The following PCDHA6 variants were observed in gnomAD, a reference collection of about 807,000 sequenced individuals.
The protein encoded by PCDHA6 is protocadherin alpha-6.
PCDHA6 carries 55 observed loss-of-function variants against 60.3 expected under a neutral mutation model. The ratio of observed to expected loss-of-function variants is 0.91; its 90% CI spans 0.73 to 1.14. PCDHA6 has a LOEUF of 1.14. Among genes scored for constraint, PCDHA6 ranks in the 50% most tolerant of loss-of-function variants. The pLI is 0.00. For synonymous variants in PCDHA6, 652 were observed against 557.9 expected (o/e 1.17, Z -2.38); for missense variants, 1,327 against 1,256.5 (o/e 1.06, Z -0.85).
intron 1 of PCDHA6, chr5:140,869,246 T>C (rs782232383): frequency 1.2e-6 from 2 of 1,613,640 alleles, no homozygotes. Flanking sequence ...GTGGGCCGCA[T>C]CGCGCAGGAC....
chr5:140,997,071 A>G lies in PCDHA6; in HGVS notation c.2543-12556A>G, dbSNP rs554920320. Among the ~76,000 whole-genome samples, 444 of 152,266 alleles carry G rather than the reference A, an allele frequency of 2.9e-3. 5 individuals carry two copies. Among genetic ancestry groups the G allele is most frequent in the Non-Finnish European group, 4.4e-3 (297 of 68,014 alleles). Reference sequence around the variant, plus strand: ...TTTAGAGCAGTTTTAGGTTCACAGGAAAGTTGAGTAGAAAGTGCAGAGTTC... The same window carrying G: ...TTTAGAGCAGTTTTAGGTTCACAGGGAAGTTGAGTAGAAAGTGCAGAGTTC... On this transcript the variant is annotated intron_variant, in intron 3 of 3. Coordinates refer to ENST00000529310, the MANE Select transcript of PCDHA6 (RefSeq NM_018909.4).
intron 1 of PCDHA6, among the ~76,000 whole-genome samples, chr5:140,932,585 T>C (rs1275216145): frequency 6.6e-6 from 1 of 151,944 alleles, no homozygotes; most frequent in Non-Finnish European, 1.5e-5. Flanking sequence ...GGTAATTAGA[T>C]GTTTTGTATA....
At chr5:140,870,491 T>C (rs781889223) in intron 1 of PCDHA6, 10 of 1,614,076 alleles carry the variant, frequency 6.2e-6, no homozygotes, top group Non-Finnish European at 8.5e-6. Context: ...ACCGTGTTCG[T>C]GAAGGAGAAC....
At chr5:140,929,036 C>T in intron 1 of PCDHA6, 1 of 1,614,178 alleles carries the variant, frequency 6.2e-7, no homozygotes, top group Non-Finnish European at 8.5e-7. Flanking sequence ...GGCTGTTGCG[C>T]TCAGAGCTGC....
chr5:140,884,327 G>A (rs1400364790), intron 1 of PCDHA6: 1 of 1,613,894 alleles, frequency 6.2e-7, no homozygotes, highest in Non-Finnish European at 8.5e-7. Context: ...GGCAGGCGCT[G>A]TGGGTCCAGA....
At chr5:140,984,052 A>G (rs2097083396) in intron 3 of PCDHA6, among the ~76,000 whole-genome samples, 2 of 152,204 alleles carry the variant, frequency 1.3e-5, no homozygotes, top group African/African-American at 4.8e-5. Context: ...TCATTGACAA[A>G]TCTGTACCCT....
intron 1 of PCDHA6, chr5:140,867,518 A>T (rs2050002627): frequency 6.6e-6 from 1 of 152,128 alleles, no homozygotes; most frequent in Non-Finnish European, 1.5e-5. Context: ...TCAAATTAAT[A>T]GTTGAATATA....
rs2150351711 is a variant in PCDHA6 at position 140,843,069 on chromosome 5, G to C, written c.2394+12584G>C. On this transcript the variant is annotated intron_variant, in intron 1 of 3. Coordinates refer to ENST00000529310, the MANE Select transcript of PCDHA6 (RefSeq NM_018909.4). ...GGCGCAGCGAGCAAGCTGGTGCCGC[G>C]GTCTGTGGGCGCGGGCCACGTGGTA... The C allele has an allele frequency of 1.6e-5, 26 of 1,595,200 alleles. 3 individuals carry two copies. Among genetic ancestry groups the C allele is most frequent in the Non-Finnish European group, 2.2e-5 (26 of 1,165,304 alleles).
At chr5:140,975,363 G>T (rs1348174294) in intron 1 of PCDHA6, among the ~76,000 whole-genome samples, 3 of 152,220 alleles carry the variant, frequency 2.0e-5, no homozygotes, top group Non-Finnish European at 2.9e-5. Context: ...GTGCTACATA[G>T]CATAATGTAA....
intron 1 of PCDHA6, among the ~76,000 whole-genome samples, chr5:140,941,348 G>T (rs1193360429): frequency 1.7e-5 from 2 of 116,240 alleles, no homozygotes; most frequent in East Asian, 2.7e-4. Context: ...ATGGAGTCTT[G>T]CTCTGTTGCC....
At chr5:140,884,637 A>G in intron 1 of PCDHA6, 2 of 1,610,636 alleles carry the variant, frequency 1.2e-6, no homozygotes, top group Non-Finnish European at 1.7e-6. Flanking sequence ...GGCCAGAGGG[A>G]GGAGGACTCA....
chr5:140,964,167 C>G (rs370784169), intron 1 of PCDHA6, among the ~76,000 whole-genome samples: 1 of 152,134 alleles, frequency 6.6e-6, no homozygotes, highest in Non-Finnish European at 1.5e-5. Flanking sequence ...GTGTGAGGAA[C>G]GAAATCATTA....
chr5:140,900,634 A>G (rs918199903), intron 1 of PCDHA6, among the ~76,000 whole-genome samples: 7 of 152,152 alleles, frequency 4.6e-5, no homozygotes, highest in Non-Finnish European at 1.0e-4. Flanking sequence ...AATCTTGGCT[A>G]TTGTGAACAC....
At chr5:140,869,447 A>G in intron 1 of PCDHA6, 1 of 1,614,214 alleles carries the variant, frequency 6.2e-7, no homozygotes, top group Non-Finnish European at 8.5e-7. Flanking sequence ...AGGCCGCTGC[A>G]GGTTTTCCAT....
chr5:140,983,801 T>G (rs1386165689), intron 3 of PCDHA6, among the ~76,000 whole-genome samples: 1 of 152,214 alleles, frequency 6.6e-6, no homozygotes, highest in Non-Finnish European at 1.5e-5. Context: ...AATGTGTGTG[T>G]AAAAGGTTTT....
chr5:140,833,449 T>C (rs2150208645), intron 1 of PCDHA6, among the ~76,000 whole-genome samples: 13 of 152,180 alleles, frequency 8.5e-5, no homozygotes, highest in African/African-American at 3.1e-4. Context: ...ATTTATCTAA[T>C]AAAATAAACT....
chr5:140,883,970 C>A (rs1554180846), intron 1 of PCDHA6: 1 of 1,612,990 alleles, frequency 6.2e-7, no homozygotes, highest in South Asian at 1.1e-5. Context: ...GCTGCTGACG[C>A]CCGGGGCTGG....
chr5:140,883,403 T>G, intron 1 of PCDHA6: 1 of 1,614,168 alleles, frequency 6.2e-7, no homozygotes, highest in Non-Finnish European at 8.5e-7. Context: ...CGATCGTGAC[T>G]CTGGCTCAAA....
chr5:141,000,418 T>TAA (rs2097924814), intron 3 of PCDHA6, among the ~76,000 whole-genome samples: 1 of 83,682 alleles, frequency 1.2e-5, no homozygotes, highest in Non-Finnish European at 2.2e-5. Context: ...TATATATATA[T>TAA]ATATTTTTTT....
Sources: gnomAD v4.1 joint callset for allele counts (sites outside exome capture counted in the v4.1 genomes callset) on GRCh38, gnomAD v4.1.1 for gene constraint, MANE v1.5 for transcripts, NCBI Gene and HGNC (gene_info 2026-07-23, HGNC 2026-07-21) for gene names.